The following SLC1A1 variants were observed in gnomAD, a reference collection of about 807,000 sequenced individuals.
The protein encoded by SLC1A1 is solute carrier family 1 member 1.
Under a neutral mutation model 53.3 loss-of-function variants are expected in SLC1A1, and 43 were observed. That is an observed-to-expected ratio of 0.81 (90% CI 0.63 to 1.04). SLC1A1 has a LOEUF of 1.04. Ranked by LOEUF, SLC1A1 falls within the 50% of genes least tolerant of loss-of-function variation. The pLI, the probability that SLC1A1 is intolerant of heterozygous loss-of-function variation, is 0.00. For synonymous variants in SLC1A1, 307 were observed against 243.2 expected (o/e 1.26, Z -2.44); for missense variants, 748 against 664.9 (o/e 1.12, Z -1.37).
intron 10 of SLC1A1, among the ~76,000 whole-genome samples, chr9:4,582,826 T>C (rs1821223610): frequency 1.3e-5 from 2 of 152,202 alleles, no homozygotes; most frequent in African/African-American, 2.4e-5. Flanking sequence ...TGCAAGGAGA[T>C]GGCATCATAC....
intron 1 of SLC1A1, among the ~76,000 whole-genome samples, chr9:4,501,206 CAG>C (rs1317352241): frequency 6.7e-6 from 1 of 149,334 alleles, no homozygotes; most frequent in African/African-American, 2.6e-5. Context: ...TGTTTTGAGA[CAG>C]AGTCTCACTC....
intron 1 of SLC1A1, among the ~76,000 whole-genome samples, chr9:4,537,108 G>A (rs899107503): frequency 2.6e-5 from 4 of 151,946 alleles, no homozygotes; most frequent in Non-Finnish European, 2.9e-5. Context: ...ACGAGTTGAT[G>A]GGTGCAGCAC....
intron 1 of SLC1A1, among the ~76,000 whole-genome samples, chr9:4,535,009 C>G (rs543137194): frequency 7.5e-4 from 114 of 152,152 alleles, no homozygotes; most frequent in Non-Finnish European, 1.0e-3. Context: ...ATTCAACAAC[C>G]CTTCATTCTA....
chr9:4,578,748 T>C (rs1013703792), intron 10 of SLC1A1, among the ~76,000 whole-genome samples: 3 of 152,258 alleles, frequency 2.0e-5, no homozygotes, highest in Non-Finnish European at 4.4e-5. Flanking sequence ...CTATTCAATA[T>C]GGTAACCACT....
chr9:4,567,800 G>C (rs1334647958), intron 6 of SLC1A1, 33 bp downstream of exon 6: 1 of 1,294,900 alleles, frequency 7.7e-7, no homozygotes, highest in South Asian at 1.2e-5. Flanking sequence ...CTCTTCCCCA[G>C]GAGACAGGCA....
At chr9:4,503,343 G>T (rs1361561299) in intron 1 of SLC1A1, among the ~76,000 whole-genome samples, 1 of 151,842 alleles carries the variant, frequency 6.6e-6, no homozygotes, top group African/African-American at 2.4e-5. Flanking sequence ...AATCAATTAG[G>T]AACTGAATTT....
At position 4,585,866 on chromosome 9, in the gene SLC1A1, G is replaced by C. The variant is rs984672812; in HGVS notation, c.*308G>C. 2 of 344,040 alleles carry C rather than the reference G, an allele frequency of 5.8e-6. No individual in the cohort carries two copies. Among genetic ancestry groups the C allele is most frequent in the African/African-American group, 4.2e-5 (2 of 47,574 alleles). 21.3% of individuals were successfully genotyped at this position (344,040 alleles called of 1,614,324 possible). ...ACTGTTAGAATTAGGTAATGGATAT[G>C]AAAGAGAAAATGCTTTCTCATGCAT... On this transcript the variant is annotated 3_prime_UTR_variant, in exon 12 of 12. Coordinates refer to ENST00000262352, the MANE Select transcript of SLC1A1 (RefSeq NM_004170.6).
intron 1 of SLC1A1, among the ~76,000 whole-genome samples, chr9:4,515,856 G>A (rs1821144487): frequency 6.6e-6 from 1 of 152,184 alleles, no homozygotes. Flanking sequence ...GCCAGGCTGT[G>A]TTGTGGAGCC....
chr9:4,546,559 C>T (rs1238757600), intron 2 of SLC1A1, among the ~76,000 whole-genome samples: 2 of 152,206 alleles, frequency 1.3e-5, no homozygotes, highest in African/African-American at 4.8e-5. Flanking sequence ...CTCCACTACT[C>T]CCGATTGCCC....
At chr9:4,581,975 C>A (rs1317066805) in intron 10 of SLC1A1, among the ~76,000 whole-genome samples, 3 of 152,164 alleles carry the variant, frequency 2.0e-5, no homozygotes, top group Non-Finnish European at 4.4e-5. Flanking sequence ...ATCAGGGATT[C>A]TTCCAGTTTA....
chr9:4,530,247 G>A (rs1393490929), intron 1 of SLC1A1, among the ~76,000 whole-genome samples: 1 of 152,086 alleles, frequency 6.6e-6, no homozygotes, highest in African/African-American at 2.4e-5. Flanking sequence ...ATCTCTCATG[G>A]TGGGCAATGG....
At chr9:4,567,542 G>C in intron 5 of SLC1A1, 127 bp from the exon 6 acceptor site, 1 of 698,402 alleles carries the variant, frequency 1.4e-6, no homozygotes, top group Non-Finnish European at 2.6e-6. Context: ...AGCCAACAGA[G>C]GCATTGGATG....
intron 1 of SLC1A1, among the ~76,000 whole-genome samples, chr9:4,496,101 GGAGAA>G (rs1313030091): frequency 5.3e-5 from 8 of 152,146 alleles, no homozygotes; most frequent in Admixed American, 5.2e-4. Context: ...GGGAGAAAAG[GGAGAA>G]GAGAAGACCA....
At chr9:4,544,811 T>C in intron 2 of SLC1A1, 104 bp downstream of exon 2, 1 of 981,692 alleles carries the variant, frequency 1.0e-6, no homozygotes, top group Non-Finnish European at 1.6e-6. Context: ...TTTAATTGAC[T>C]CACAGTTCAT....
At chr9:4,509,386 A>C (rs1820916510) in intron 1 of SLC1A1, among the ~76,000 whole-genome samples, 1 of 152,056 alleles carries the variant, frequency 6.6e-6, no homozygotes, top group East Asian at 1.9e-4. Context: ...TCAGCAAGGG[A>C]TGGTGAGGCA....
intron 10 of SLC1A1, among the ~76,000 whole-genome samples, chr9:4,582,652 T>C (rs1821204267): frequency 6.6e-6 from 1 of 152,178 alleles, no homozygotes; most frequent in African/African-American, 2.4e-5. Flanking sequence ...TACCTGGCAC[T>C]TATTTAGGAT....
chr9:4,529,960 T>G (rs998688906), intron 1 of SLC1A1, among the ~76,000 whole-genome samples: 1 of 152,118 alleles, frequency 6.6e-6, no homozygotes, highest in African/African-American at 2.4e-5. Context: ...TAAATTTGAG[T>G]TGGACAATGA....
intron 10 of SLC1A1, among the ~76,000 whole-genome samples, chr9:4,580,352 G>A (rs577803600): frequency 4.6e-5 from 7 of 152,246 alleles, no homozygotes; most frequent in African/African-American, 9.6e-5. Context: ...AGGCCAAGGC[G>A]GGCGGATCAC....
chr9:4,575,634 C>T (rs73641476), intron 8 of SLC1A1, among the ~76,000 whole-genome samples: 3 of 152,086 alleles, frequency 2.0e-5, no homozygotes, highest in Non-Finnish European at 2.9e-5. Flanking sequence ...AAGGGGGATG[C>T]CTATCTGAGT....
Sources: gnomAD v4.1 joint callset for allele counts (sites outside exome capture counted in the v4.1 genomes callset) on GRCh38, gnomAD v4.1.1 for gene constraint, MANE v1.5 for transcripts, NCBI Gene and HGNC (gene_info 2026-07-23, HGNC 2026-07-21) for gene names.